Variants in GALNT17 observed in about 807,000 individuals in gnomAD.
The protein encoded by GALNT17 is UDP-GalNAc:polypeptide N-acetylgalactosaminyltransferase-like 3.
GALNT17 carries 29 observed loss-of-function variants against 63.7 expected under a neutral mutation model. That is an observed-to-expected ratio of 0.46 (90% CI 0.34 to 0.62). The LOEUF (loss-of-function observed/expected upper bound fraction) is 0.62. GALNT17 is among the 20% of genes least tolerant of loss of function. GALNT17 has a pLI of 0.01. For missense variants in GALNT17, 603 were observed against 799.6 expected (o/e 0.75, Z 2.97); for synonymous variants, 305 against 318.3 (o/e 0.96, Z 0.45).
chr7:71,156,255 C>T (rs1788233171), intron 1 of GALNT17, among the ~76,000 whole-genome samples: 1 of 151,640 alleles, frequency 6.6e-6, no homozygotes, highest in South Asian at 2.1e-4. Context: ...AGCTTGAACA[C>T]CTACCAAAGA....
chr7:71,214,015 C>T (rs1789429376), intron 1 of GALNT17, among the ~76,000 whole-genome samples: 1 of 152,192 alleles, frequency 6.6e-6, no homozygotes, highest in Admixed American at 6.6e-5. Flanking sequence ...TTACTCTTTC[C>T]TTCTTAATAG....
chr7:71,572,767 C>A (rs1408443529), intron 6 of GALNT17, among the ~76,000 whole-genome samples: 1 of 152,046 alleles, frequency 6.6e-6, no homozygotes, highest in Non-Finnish European at 1.5e-5. Context: ...ATTCATTTTG[C>A]TTTGCAGTGA....
intron 5 of GALNT17, among the ~76,000 whole-genome samples, chr7:71,527,802 G>A (rs150064013): frequency 3.9e-5 from 6 of 152,178 alleles, no homozygotes; most frequent in East Asian, 3.9e-4. Flanking sequence ...CAGCACACAC[G>A]CATATACACA....
chr7:71,459,965 A>C (rs1038092111), intron 5 of GALNT17, among the ~76,000 whole-genome samples: 2 of 152,196 alleles, frequency 1.3e-5, no homozygotes, highest in African/African-American at 4.8e-5. Context: ...AAAGTGTTTA[A>C]ATTCACCTTA....
intron 2 of GALNT17, among the ~76,000 whole-genome samples, chr7:71,346,665 C>T (rs908131867): frequency 2.7e-5 from 4 of 147,834 alleles, no homozygotes; most frequent in African/African-American, 1.0e-4. Flanking sequence ...GAACCTTCTC[C>T]TCTATGATGG....
In GALNT17 at chr7:71,469,375, G is replaced by A. The variant is rs182138707; in HGVS notation, c.962+48270G>A. Among the ~76,000 whole-genome samples, 179 of 152,256 alleles carry A rather than the reference G, an allele frequency of 1.2e-3. 2 individuals are homozygous for A. Among genetic ancestry groups the A allele is most frequent in the Non-Finnish European group, 2.2e-3 (148 of 68,018 alleles). On this transcript the variant is annotated intron_variant, in intron 5 of 10. Transcript: ENST00000333538. The stretch of plus-strand genomic sequence containing the variant: ...ATTCCTGTGGCCTAGGACTGGTCAC[G>A]GAAAAACCTTCGACACATTAAATTA...
intron 1 of GALNT17, among the ~76,000 whole-genome samples, chr7:71,314,538 T>G (rs1181590923): frequency 2.6e-5 from 4 of 152,176 alleles, no homozygotes; most frequent in Non-Finnish European, 5.9e-5. Flanking sequence ...CCAGAAAGTC[T>G]GGAAAGAAGG....
intron 1 of GALNT17, among the ~76,000 whole-genome samples, chr7:71,149,479 G>C (rs761704034): frequency 1.3e-5 from 2 of 151,988 alleles, no homozygotes; most frequent in Admixed American, 6.6e-5. Context: ...TAGGGGGGGC[G>C]AAACGTGTGC....
chr7:71,265,299 G>A (rs1389618123), intron 1 of GALNT17, among the ~76,000 whole-genome samples: 1 of 150,234 alleles, frequency 6.7e-6, no homozygotes, highest in Non-Finnish European at 1.5e-5. Flanking sequence ...GCTAATTTTT[G>A]TATTTTTAGT....
rs925686824 is a variant in GALNT17 at position 71,508,084 on chromosome 7, G to A, written c.963-63201G>A. ...GTTTCCTTGCCGTAATGAGATGGAG[G>A]CTGAGCTGCTGGAATGAGGGGCTTC... On this transcript the variant is annotated intron_variant, in intron 5 of 10. Coordinates refer to ENST00000333538, the MANE Select transcript of GALNT17 (RefSeq NM_022479.3). Among the ~76,000 whole-genome samples, 5 of 152,238 alleles carry A rather than the reference G, an allele frequency of 3.3e-5. No homozygotes were observed. The East Asian group carries it at 9.7e-4, about 29-fold the overall frequency.
chr7:71,536,030 T>C (rs1788797081), intron 5 of GALNT17, among the ~76,000 whole-genome samples: 1 of 152,210 alleles, frequency 6.6e-6, no homozygotes, highest in Non-Finnish European at 1.5e-5. Context: ...ATCAATGAAT[T>C]CAGCCTAGCA....
intron 5 of GALNT17, among the ~76,000 whole-genome samples, chr7:71,528,871 A>C (rs1788669235): frequency 6.6e-6 from 1 of 152,222 alleles, no homozygotes; most frequent in Admixed American, 6.5e-5. Flanking sequence ...GTGGTGGCTC[A>C]TACCTGTAAT....
At chr7:71,415,161 A>G (rs997431519) in intron 3 of GALNT17, among the ~76,000 whole-genome samples, 1 of 151,984 alleles carries the variant, frequency 6.6e-6, no homozygotes, top group Non-Finnish European at 1.5e-5. Flanking sequence ...ACAACACTGC[A>G]CTCAGCCAAG....
intron 5 of GALNT17, among the ~76,000 whole-genome samples, chr7:71,566,825 G>A (rs563464633): frequency 9.9e-5 from 15 of 152,234 alleles, no homozygotes; most frequent in African/African-American, 2.6e-4. Context: ...ACTTAGGGGC[G>A]GAGAGCAGAG....
chr7:71,698,123 C>CAAAAAAAAA (rs10708106), intron 9 of GALNT17, among the ~76,000 whole-genome samples: 2 of 107,760 alleles, frequency 1.9e-5, no homozygotes, highest in African/African-American at 3.3e-5. Context: ...GACTCTGTCT[C>CAAAAAAAAA]AAAAAAAAAA....
chr7:71,649,536 C>G (rs1446378322), intron 6 of GALNT17, among the ~76,000 whole-genome samples: 1 of 151,382 alleles, frequency 6.6e-6, no homozygotes, highest in African/African-American at 2.4e-5. Context: ...GATGAAGAAA[C>G]TGTATGCCTG....
chr7:71,541,388 A>G (rs761709771), intron 5 of GALNT17, among the ~76,000 whole-genome samples: 2 of 151,972 alleles, frequency 1.3e-5, no homozygotes, highest in Non-Finnish European at 2.9e-5. Flanking sequence ...TCCCATCTCT[A>G]CTAAAAATAC....
At chr7:71,330,256 G>A (rs1435551258) in intron 1 of GALNT17, among the ~76,000 whole-genome samples, 6 of 152,154 alleles carry the variant, frequency 3.9e-5, no homozygotes, top group South Asian at 2.1e-4. Flanking sequence ...CAAGTGATCC[G>A]CCCGCCTTGG....
chr7:71,651,796 C>T (rs1790758238), intron 6 of GALNT17, among the ~76,000 whole-genome samples: 1 of 152,192 alleles, frequency 6.6e-6, no homozygotes, highest in Non-Finnish European at 1.5e-5. Flanking sequence ...ACTGCAGCTT[C>T]AGTCCCCGGG....
Sources: gnomAD v4.1 joint callset for allele counts (sites outside exome capture counted in the v4.1 genomes callset) on GRCh38, gnomAD v4.1.1 for gene constraint, MANE v1.5 for transcripts, NCBI Gene and HGNC (gene_info 2026-07-23, HGNC 2026-07-21) for gene names.